The following RBFOX1 variants were observed in gnomAD, a reference collection of about 807,000 sequenced individuals.
RBFOX1 encodes the protein RNA binding fox-1 homolog 1, also known as RNA binding protein fox-1 homolog 1.
A neutral mutation model predicts 57.7 loss-of-function variants in RBFOX1; 8 were observed. The ratio of observed to expected loss-of-function variants is 0.14; its 90% confidence interval spans 0.08 to 0.25. RBFOX1 has a LOEUF of 0.25. Ranked by LOEUF, RBFOX1 falls within the 10% of genes least tolerant of loss-of-function variation. The probability of loss-of-function intolerance (pLI) is 1.00; values close to 1 mark genes in which losing one functional copy is unlikely to be tolerated. For missense variants in RBFOX1, 611 were observed against 548.5 expected (o/e 1.11, Z -1.14); for synonymous variants, 326 against 222.4 (o/e 1.47, Z -4.15).
intron 1 of RBFOX1, among the ~76,000 whole-genome samples, chr16:6,170,571 A>G (rs1258367465): frequency 6.6e-6 from 1 of 152,182 alleles, no homozygotes; most frequent in African/African-American, 2.4e-5. Flanking sequence ...TCATGGTGCT[A>G]TTAATTATGA....
chr16:7,619,440 G>C (rs1372991965), intron 10 of RBFOX1, among the ~76,000 whole-genome samples: 1 of 152,162 alleles, frequency 6.6e-6, no homozygotes, highest in Non-Finnish European at 1.5e-5. Flanking sequence ...CTCTTTGAGA[G>C]ATTGAAAGGT....
rs547447809 is a variant in RBFOX1, at chr16:5,274,026, G to C, written c.219+33921G>C. On this transcript the variant is annotated intron_variant, in intron 1 of 2. Coordinates refer to the RBFOX1 transcript ENST00000585867. ...CTGGAGGAAAATGTATTCCCTCTCA[G>C]GTTTGTGGGGAAGGAGAATGCTAAC... Among the ~76,000 whole-genome samples, 3 of 152,182 alleles carry C rather than the reference G, an allele frequency of 2.0e-5. 1 individual carries two copies. In the South Asian group the frequency reaches 6.2e-4, roughly 32 times the overall value.
At chr16:7,313,047 A>C (rs2096354700) in intron 4 of RBFOX1, among the ~76,000 whole-genome samples, 1 of 152,030 alleles carries the variant, frequency 6.6e-6, no homozygotes, top group Non-Finnish European at 1.5e-5. Flanking sequence ...CGTGTTCCCC[A>C]CTGCTGCTCT....
At chr16:6,114,267 G>A (rs944303732) in intron 1 of RBFOX1, among the ~76,000 whole-genome samples, 1 of 152,148 alleles carries the variant, frequency 6.6e-6, no homozygotes, top group Non-Finnish European at 1.5e-5. Context: ...TCTGATTTCA[G>A]TGAGGAAATT....
At chr16:7,169,812 G>A (rs573546042) in intron 4 of RBFOX1, among the ~76,000 whole-genome samples, 1 of 80,366 alleles carries the variant, frequency 1.2e-5, no homozygotes, top group African/African-American at 5.6e-5. Flanking sequence ...GCTCATGCCT[G>A]TAATCCCTGC....
At chr16:7,619,703 G>A (rs768406956) in intron 10 of RBFOX1, among the ~76,000 whole-genome samples, 6 of 152,192 alleles carry the variant, frequency 3.9e-5, no homozygotes, top group Non-Finnish European at 8.8e-5. Flanking sequence ...AGTATAGAAG[G>A]CCTTCTAGGT....
At chr16:5,731,032 C>A (rs1187319515) in intron 3 of RBFOX1, among the ~76,000 whole-genome samples, 1 of 148,248 alleles carries the variant, frequency 6.7e-6, no homozygotes, top group East Asian at 2.0e-4. Context: ...ACCGTCATCA[C>A]CATGAACATC....
At chr16:7,610,133 T>TTTTTTTTTTTTTTTTTTTTTTG (rs2057172720) in intron 10 of RBFOX1, among the ~76,000 whole-genome samples, 1 of 120,736 alleles carries the variant, frequency 8.3e-6, no homozygotes, top group Non-Finnish European at 1.7e-5. Flanking sequence ...TTTTTTTTTT[T>TTTTTTTTTTTTTTTTTTTTTTG]TTTTTTGAGG....
chr16:5,906,724 A>ATT (rs2058465791), intron 4 of RBFOX1, among the ~76,000 whole-genome samples: 2 of 92,530 alleles, frequency 2.2e-5, no homozygotes, highest in Admixed American at 1.2e-4. Context: ...TGAATCCTAG[A>ATT]TTCTTTTTTT....
chr16:7,480,282 A>G (rs2063620056), intron 4 of RBFOX1, among the ~76,000 whole-genome samples: 1 of 152,174 alleles, frequency 6.6e-6, no homozygotes, highest in Non-Finnish European at 1.5e-5. Context: ...CAGATCTGAC[A>G]TCTAGTCCTT....
intron 3 of RBFOX1, among the ~76,000 whole-genome samples, chr16:6,973,517 G>C (rs1055069446): frequency 3.9e-5 from 6 of 152,182 alleles, no homozygotes. Flanking sequence ...ATTTCTAGGA[G>C]AAGCTCAACG....
chr16:5,852,278 C>G (rs1176630360), intron 3 of RBFOX1, among the ~76,000 whole-genome samples: 1 of 152,124 alleles, frequency 6.6e-6, no homozygotes, highest in Non-Finnish European at 1.5e-5. Context: ...AGGTCGAGTT[C>G]TCCAGAGCTG....
chr16:7,395,604 T>C (rs187159280), intron 4 of RBFOX1, among the ~76,000 whole-genome samples: 2 of 152,284 alleles, frequency 1.3e-5, no homozygotes, highest in Admixed American at 1.3e-4. Flanking sequence ...ATTACCTTTG[T>C]TGTGGGGATT....
At chr16:7,364,195 T>C (rs139364935) in intron 4 of RBFOX1, among the ~76,000 whole-genome samples, 6 of 152,304 alleles carry the variant, frequency 3.9e-5, no homozygotes, top group Non-Finnish European at 5.9e-5. Context: ...CTCTTGTCTG[T>C]TACATCAGTA....
At chr16:6,986,777 C>A (rs866469737) in intron 3 of RBFOX1, among the ~76,000 whole-genome samples, 1 of 152,102 alleles carries the variant, frequency 6.6e-6, no homozygotes, top group African/African-American at 2.4e-5. Flanking sequence ...GCCTCCTCCA[C>A]TTGCCTTTAA....
intron 3 of RBFOX1, among the ~76,000 whole-genome samples, chr16:6,846,827 C>A (rs1567534599): frequency 6.6e-6 from 1 of 151,902 alleles, no homozygotes; most frequent in Non-Finnish European, 1.5e-5. Flanking sequence ...CTTTAATAAG[C>A]CTACAGGATC....
At chr16:6,660,137 T>C (rs1413936436) in intron 3 of RBFOX1, among the ~76,000 whole-genome samples, 22 of 151,706 alleles carry the variant, frequency 1.5e-4, no homozygotes, top group Admixed American at 1.4e-3. Context: ...AGGTGGAGAA[T>C]TGCTTGAACC....
chr16:6,245,978 C>G (rs1379418829), intron 1 of RBFOX1, among the ~76,000 whole-genome samples: 5 of 152,200 alleles, frequency 3.3e-5, no homozygotes, highest in South Asian at 2.1e-4. Context: ...TTTTCCCTCT[C>G]TTTTTTCTAA....
At chr16:5,271,258 G>A (rs546167385) in intron 1 of RBFOX1, among the ~76,000 whole-genome samples, 3 of 152,340 alleles carry the variant, frequency 2.0e-5, no homozygotes, top group African/African-American at 4.8e-5. Context: ...GAAGGCTGAG[G>A]TGGGAGGATG....
Sources: gnomAD v4.1 joint callset for allele counts (sites outside exome capture counted in the v4.1 genomes callset) on GRCh38, gnomAD v4.1.1 for gene constraint, MANE v1.5 for transcripts, NCBI Gene and HGNC (gene_info 2026-07-23, HGNC 2026-07-21) for gene names.